SCN2A: variants seen among roughly 807,000 people sequenced by gnomAD.
SCN2A encodes sodium channel protein type 2 subunit alpha.
SCN2A carries 20 observed loss-of-function variants against 188.7 expected under a neutral mutation model. The observed-to-expected ratio is 0.11, with a 90% confidence interval of 0.07 to 0.15. The LOEUF (loss-of-function observed/expected upper bound fraction) is 0.15. SCN2A is among the 10% of genes least tolerant of loss of function. SCN2A has a pLI of 1.00. For missense variants in SCN2A, 1,278 were observed against 2,445.0 expected (o/e 0.52, Z 10.07); for synonymous variants, 804 against 833.1 (o/e 0.97, Z 0.60).
chr2:165,339,415 A>G (rs983123372), intron 14 of SCN2A, among the ~76,000 whole-genome samples: 13 of 150,402 alleles, frequency 8.6e-5, no homozygotes, highest in East Asian at 1.9e-4. Context: ...GAACTAAAGG[A>G]AAAAAAAACA....
chr2:165,248,066 T>C (rs1693926865), intron 1 of SCN2A, among the ~76,000 whole-genome samples: 1 of 152,186 alleles, frequency 6.6e-6, no homozygotes, highest in African/African-American at 2.4e-5. Flanking sequence ...CCAGGATCTA[T>C]GTGCTGCCAC....
At chr2:165,262,985 G>A (rs1406972315) in intron 1 of SCN2A, among the ~76,000 whole-genome samples, 1 of 152,138 alleles carries the variant, frequency 6.6e-6, no homozygotes, top group Non-Finnish European at 1.5e-5. Context: ...GCATTTCCCT[G>A]ATAATTAGTG....
In SCN2A at chr2:165,344,851, C is replaced by T. The variant is rs139967593; in HGVS notation, c.2859C>T (p.Val953=). 17 of 1,613,962 alleles carry T rather than the reference C, an allele frequency of 1.1e-5. No individual in the cohort carries two copies. Among genetic ancestry groups the T allele is most frequent in the East Asian group, 2.2e-5 (1 of 44,890 alleles). The change falls in exon 16 of 27, where the codon GTC becomes GTT. Residue 953 remains valine (V), a synonymous_variant. Coordinates refer to ENST00000375437, the MANE Select transcript of SCN2A (RefSeq NM_001040142.2). ...AGACCATGTGGGACTGTATGGAGGTCGCTGGCCAAACCATGTGCCTTACTG... is the reference window on the plus strand; with the variant it reads ...AGACCATGTGGGACTGTATGGAGGTTGCTGGCCAAACCATGTGCCTTACTG... The part of the protein sequence containing the change: ...WIETMWDCME[V]AGQTMCLTVF...
intron 3 of SCN2A, among the ~76,000 whole-genome samples, chr2:165,302,440 G>GT (rs1368712312): frequency 1.3e-5 from 2 of 152,102 alleles, no homozygotes; most frequent in East Asian, 3.9e-4. Context: ...TTATATATAG[G>GT]TTAAAAACTC....
chr2:165,357,837 C>T (rs1303203334), intron 17 of SCN2A, among the ~76,000 whole-genome samples: 1 of 152,148 alleles, frequency 6.6e-6, no homozygotes, highest in Non-Finnish European at 1.5e-5. Flanking sequence ...GCCAGAGGCT[C>T]GTGCCACCAC....
At chr2:165,346,275 G>T (rs1289040919) in intron 16 of SCN2A, among the ~76,000 whole-genome samples, 1 of 152,140 alleles carries the variant, frequency 6.6e-6, no homozygotes, top group African/African-American at 2.4e-5. Context: ...GGTTGGGGAA[G>T]TTCTCCTGGT....
Position 165,389,461 on chromosome 2 carries a change from A to C in SCN2A, c.5655A>C (p.Ala1885=). The part of the protein sequence containing the change: ...LRIQMEERFM[A]SNPSKVSYEP... ...TACAGATGGAAGAGCGATTCATGGCATCAAACCCCTCCAAAGTCTCTTATG... is the reference window on the plus strand; with the variant it reads ...TACAGATGGAAGAGCGATTCATGGCCTCAAACCCCTCCAAAGTCTCTTATG... Residue 1885 remains alanine (A), a synonymous_variant, in exon 27 of 27, where the codon GCA becomes GCC. Coordinates refer to ENST00000375437, the MANE Select transcript of SCN2A (RefSeq NM_001040142.2). The surrounding 1 kb of genome is among the most constrained non-coding windows in gnomAD (Gnocchi z 4.2). The C allele has an allele frequency of 1.9e-6, 3 of 1,613,984 alleles. No individual in the cohort carries two copies. The highest frequency in any genetic ancestry group is 2.5e-6 in the Non-Finnish European group (3 of 1,179,972).
chr2:165,315,942 A>G (rs570617511), intron 11 of SCN2A, among the ~76,000 whole-genome samples, 184 bp downstream of exon 11: 3 of 152,306 alleles, frequency 2.0e-5, no homozygotes, highest in African/African-American at 7.2e-5. Flanking sequence ...TTGGAATCCC[A>G]GGAAGGAAAT....
chr2:165,313,881 A>T, intron 9 of SCN2A, 21 bp from the exon 10 acceptor site: 1 of 1,613,394 alleles, frequency 6.2e-7, no homozygotes, highest in Non-Finnish European at 8.5e-7. Context: ...AATTTATTAA[A>T]ATCTCTCTTC....
rs768699825 is a variant in SCN2A at position 165,326,954 on chromosome 2, A to T, written c.2119A>T (p.Ile707Leu). The T allele has an allele frequency of 2.2e-5, 35 of 1,613,964 alleles. No homozygotes were observed. Among genetic ancestry groups the T allele is most frequent in the Non-Finnish European group, 2.8e-5 (33 of 1,179,950 alleles). ...DPTSRQRAMS[I>L]ASILTNTMEE... ...TACATCAAGGCAAAGAGCAATGAGTATAGCCAGTATTTTGACCAACACCAT... is the reference window on the plus strand; with the variant it reads ...TACATCAAGGCAAAGAGCAATGAGTTTAGCCAGTATTTTGACCAACACCAT... Residue 707 changes from isoleucine (I) to leucine (L), a missense_variant, in exon 13 of 27, where the codon ATA (isoleucine) becomes TTA (leucine). Physicochemically the swap from Ile to Leu is conservative, Grantham distance 5. This residue lies in a region of SCN2A where 315 missense variants were observed against 386.6 expected (regional missense o/e 0.81). Transcript: ENST00000375437.
At position 165,377,333 on chromosome 2, in the gene SCN2A, T is replaced by G. The variant is rs190001271; in HGVS notation, c.4255-264T>G. On this transcript the variant is annotated intron_variant, in intron 22 of 26. Coordinates refer to ENST00000375437, the MANE Select transcript of SCN2A (RefSeq NM_001040142.2). ...CATCAGAGTCAAAGATTGTTCATAT[T>G]GTTTTTATGATAGCATATTGTTACA... Among the ~76,000 whole-genome samples the G allele has an allele frequency of 1.5e-3, 225 of 152,148 alleles. 1 individual carries two copies. The highest frequency in any genetic ancestry group is 5.0e-3 in the African/African-American group (208 of 41,560).
chr2:165,380,091 T>G (rs1318609195), intron 23 of SCN2A, among the ~76,000 whole-genome samples: 2 of 151,882 alleles, frequency 1.3e-5, no homozygotes. Flanking sequence ...CACTTAGCAA[T>G]TACTACTGGC....
At chr2:165,332,533 A>G (rs1226097800) in intron 14 of SCN2A, among the ~76,000 whole-genome samples, 1 of 152,042 alleles carries the variant, frequency 6.6e-6, no homozygotes, top group African/African-American at 2.4e-5. Context: ...TGAGAAATTA[A>G]CAGAGAAATG....
At chr2:165,318,432 G>T (rs959066560) in intron 11 of SCN2A, among the ~76,000 whole-genome samples, 1 of 152,100 alleles carries the variant, frequency 6.6e-6, no homozygotes, top group Non-Finnish European at 1.5e-5. Context: ...TAGGAGTTTT[G>T]CTTTTTAAAG....
At chr2:165,337,052 T>A (rs1002473575) in intron 14 of SCN2A, among the ~76,000 whole-genome samples, 1 of 151,682 alleles carries the variant, frequency 6.6e-6, no homozygotes, top group Non-Finnish European at 1.5e-5. Flanking sequence ...ATTGTAAATA[T>A]GTTGAGCAAT....
chr2:165,363,865 A>C (rs994899775), intron 17 of SCN2A, among the ~76,000 whole-genome samples: 1 of 152,180 alleles, frequency 6.6e-6, no homozygotes, highest in African/African-American at 2.4e-5. Context: ...TGCTTCCATC[A>C]TTAGTATTTT....
chr2:165,281,845 T>C (rs958290583), intron 1 of SCN2A, among the ~76,000 whole-genome samples: 1 of 152,082 alleles, frequency 6.6e-6, no homozygotes, highest in Non-Finnish European at 1.5e-5. Flanking sequence ...GCAGTCACCA[T>C]CTTGATAATT....
intron 15 of SCN2A, among the ~76,000 whole-genome samples, chr2:165,343,406 A>G (rs746912935): frequency 1.3e-5 from 2 of 152,232 alleles, no homozygotes; most frequent in Non-Finnish European, 2.9e-5. Flanking sequence ...ACAAAAATTT[A>G]AAATGATAAA....
chr2:165,379,975 G>A (rs921795644), intron 23 of SCN2A, among the ~76,000 whole-genome samples: 3 of 151,774 alleles, frequency 2.0e-5, no homozygotes, highest in African/African-American at 7.2e-5. Context: ...ATAGGATAAA[G>A]CAATAGATTC....
Sources: gnomAD v4.1 joint callset for allele counts (sites outside exome capture counted in the v4.1 genomes callset) on GRCh38, gnomAD v4.1.1 for gene constraint, gnomAD v4.1.1 regional missense constraint, Gnocchi (gnomAD v3.1) non-coding constraint, MANE v1.5 for transcripts, NCBI Gene and HGNC (gene_info 2026-07-23, HGNC 2026-07-21) for gene names.